PARD3: variants seen among roughly 807,000 people sequenced by gnomAD.
The protein encoded by PARD3 is par-3 family cell polarity regulator, also known as partitioning defective 3 homolog.
In PARD3, 75 loss-of-function variants were observed where a neutral mutation model predicts 155.4. The ratio of observed to expected loss-of-function variants is 0.48; its 90% CI spans 0.40 to 0.58. The LOEUF (loss-of-function observed/expected upper bound fraction) is 0.58. Ranked by LOEUF, PARD3 falls within the 20% of genes least tolerant of loss-of-function variation. The pLI, the probability that PARD3 is intolerant of heterozygous loss-of-function variation, is 0.00. For missense variants in PARD3, 1,642 were observed against 1,721.7 expected, an observed-to-expected ratio of 0.95 and a Z score of 0.82; for synonymous variants, 576 against 610.5, an observed-to-expected ratio of 0.94 and a Z score of 0.83.
intron 1 of PARD3, among the ~76,000 whole-genome samples, chr10:34,805,172 A>G (rs934264718): frequency 2.0e-5 from 3 of 152,162 alleles, no homozygotes; most frequent in African/African-American, 2.4e-5. Context: ...CCTGGCCAAC[A>G]TTGTGAAACC....
chr10:34,155,343 G>A (rs574916953), intron 22 of PARD3, among the ~76,000 whole-genome samples: 50 of 152,192 alleles, frequency 3.3e-4, no homozygotes, highest in Non-Finnish European at 5.3e-4. Context: ...TGCCAGCAAA[G>A]ACATAAAAAG....
At chr10:34,180,250 T>A (rs1320280805) in intron 22 of PARD3, among the ~76,000 whole-genome samples, 1 of 152,188 alleles carries the variant, frequency 6.6e-6, no homozygotes, top group East Asian at 1.9e-4. Flanking sequence ...TTTCACCATG[T>A]TGGCCAGGAT....
At chr10:34,542,337 C>G (rs2083698439) in intron 2 of PARD3, among the ~76,000 whole-genome samples, 1 of 151,946 alleles carries the variant, frequency 6.6e-6, no homozygotes, top group African/African-American at 2.4e-5. Context: ...ATTTTGCCCC[C>G]AGGGGACACT....
chr10:34,757,911 A>G (rs1439644232), intron 1 of PARD3, among the ~76,000 whole-genome samples: 1 of 152,156 alleles, frequency 6.6e-6, no homozygotes, highest in Non-Finnish European at 1.5e-5. Context: ...TCAGTATACT[A>G]TTAGAAAATT....
intron 1 of PARD3, among the ~76,000 whole-genome samples, chr10:34,802,686 G>A (rs1842931659): frequency 6.6e-6 from 1 of 152,062 alleles, no homozygotes; most frequent in Non-Finnish European, 1.5e-5. Flanking sequence ...GGTTTCCTTG[G>A]TGACTTTTTT....
intron 5 of PARD3, among the ~76,000 whole-genome samples, chr10:34,449,701 AT>A (rs1026193177): frequency 2.0e-5 from 3 of 152,190 alleles, no homozygotes; most frequent in Non-Finnish European, 4.4e-5. Flanking sequence ...GTAAATAGTC[AT>A]TCTTCCCAAG....
intron 2 of PARD3, among the ~76,000 whole-genome samples, chr10:34,659,900 C>T (rs1339821738): frequency 1.3e-5 from 2 of 152,156 alleles, no homozygotes; most frequent in Admixed American, 6.6e-5. Context: ...TCCGCGCATG[C>T]ATTTTCTTCC....
intron 21 of PARD3, among the ~76,000 whole-genome samples, chr10:34,283,198 G>T (rs940090295): frequency 1.3e-5 from 2 of 152,080 alleles, no homozygotes; most frequent in Non-Finnish European, 2.9e-5. Flanking sequence ...TAGAATTATG[G>T]TAGGAATACT....
chr10:34,238,577 G>GAAAT (rs1953383608), intron 22 of PARD3, among the ~76,000 whole-genome samples: 1 of 151,946 alleles, frequency 6.6e-6, no homozygotes, highest in African/African-American at 2.4e-5. Flanking sequence ...CTAAGAAAGA[G>GAAAT]AAATACATGC....
At chr10:34,254,989 A>G (rs1162633591) in intron 22 of PARD3, among the ~76,000 whole-genome samples, 1 of 152,242 alleles carries the variant, frequency 6.6e-6, no homozygotes, top group African/African-American at 2.4e-5. Context: ...AAGGAAAAGA[A>G]TAACTAGAAG....
intron 6 of PARD3, among the ~76,000 whole-genome samples, chr10:34,401,381 T>C (rs544409349): frequency 2.0e-5 from 3 of 152,304 alleles, no homozygotes; most frequent in African/African-American, 2.4e-5. Context: ...TAAATACATA[T>C]ATTTACATGC....
chr10:34,372,523 C>T lies in PARD3; in HGVS notation c.1682G>A (p.Ser561Asn). The T allele has an allele frequency of 1.9e-6, 3 of 1,610,652 alleles. No homozygotes were observed. The highest frequency in any genetic ancestry group is 2.5e-6 in the Non-Finnish European group (3 of 1,177,104). Residue 561 changes from serine to asparagine, a missense_variant, in exon 12 of 25, where the codon AGC becomes AAC. Coordinates refer to ENST00000374788, the MANE Select transcript of PARD3 (RefSeq NM_001184785.2). ...FHPRELNAEP[S>N]QMQIPKETKA... ...CGTTTCTTTTGGAATCTGCATCTGGCTTGGCTCTGCATTCTAGAAGAATTG... is the reference window on the plus strand; with the variant it reads ...CGTTTCTTTTGGAATCTGCATCTGGTTTGGCTCTGCATTCTAGAAGAATTG...
At chr10:34,754,816 C>T (rs1836503753) in intron 1 of PARD3, among the ~76,000 whole-genome samples, 1 of 152,158 alleles carries the variant, frequency 6.6e-6, no homozygotes, top group Non-Finnish European at 1.5e-5. Context: ...AATAACCTTC[C>T]TCCTGTTAAT....
At chr10:34,678,055 A>AATTT (rs751888876) in intron 2 of PARD3, among the ~76,000 whole-genome samples, 2 of 151,802 alleles carry the variant, frequency 1.3e-5, no homozygotes, top group South Asian at 2.1e-4. Flanking sequence ...ATGTTTTTTT[A>AATTT]ATTTATTTAT....
At chr10:34,328,946 G>A (rs1041492202) in intron 19 of PARD3, among the ~76,000 whole-genome samples, 1 of 152,194 alleles carries the variant, frequency 6.6e-6, no homozygotes, top group African/African-American at 2.4e-5. Context: ...GGTGGTTGTA[G>A]GTGCAGCGTG....
chr10:34,399,971 G>A (rs1234041569), intron 6 of PARD3, among the ~76,000 whole-genome samples: 2 of 152,156 alleles, frequency 1.3e-5, no homozygotes, highest in Admixed American at 1.3e-4. Flanking sequence ...ACTCCTGTAA[G>A]TGACAGTCCA....
intron 22 of PARD3, among the ~76,000 whole-genome samples, chr10:34,133,994 G>A (rs551912406): frequency 1.3e-5 from 2 of 152,116 alleles, no homozygotes; most frequent in Non-Finnish European, 2.9e-5. Context: ...TGATTGGCCT[G>A]GAACATTAAA....
chr10:34,333,628 AAC>A (rs2134247940), intron 18 of PARD3, among the ~76,000 whole-genome samples: 1 of 152,208 alleles, frequency 6.6e-6, no homozygotes, highest in African/African-American at 2.4e-5. Context: ...CTGAACCTGT[AAC>A]ACAGATCAGC....
intron 2 of PARD3, among the ~76,000 whole-genome samples, chr10:34,539,747 C>T (rs1372169508): frequency 1.3e-5 from 2 of 152,158 alleles, no homozygotes; most frequent in Non-Finnish European, 2.9e-5. Flanking sequence ...TGTATCTACA[C>T]AGTGGAAACA....
Sources: gnomAD v4.1 joint callset for allele counts (sites outside exome capture counted in the v4.1 genomes callset) on GRCh38, gnomAD v4.1.1 for gene constraint, MANE v1.5 for transcripts, NCBI Gene and HGNC (gene_info 2026-07-23, HGNC 2026-07-21) for gene names.